MESD: variants seen among roughly 807,000 people sequenced by gnomAD.
MESD encodes the protein LRP chaperone MESD.
In MESD, 7 loss-of-function variants were observed where a neutral mutation model predicts 12.9. The observed-to-expected ratio is 0.54, with a 90% confidence interval of 0.31 to 1.02. The LOEUF (loss-of-function observed/expected upper bound fraction) is 1.02. Ranked by LOEUF, MESD falls within the 50% of genes least tolerant of loss-of-function variation. MESD has a pLI of 0.05. For missense variants in MESD, 342 were observed against 296.7 expected, an observed-to-expected ratio of 1.15 and a Z score of -1.12; for synonymous variants, 126 against 115.6, an observed-to-expected ratio of 1.09 and a Z score of -0.58.
Position 80,976,424 on chromosome 15 carries a change from C to T in MESD, c.*2795G>A, listed in dbSNP as rs2141805461. 1 of 152,662 alleles carries T rather than the reference C, an allele frequency of 6.6e-6. No individual in the cohort carries two copies. The highest frequency in any genetic ancestry group is 2.4e-5 in the African/African-American group (1 of 41,576). 9.5% of individuals were successfully genotyped at this position (152,662 alleles called of 1,614,324 possible). A position where few individuals can be genotyped will look rare whatever the true frequency, so the allele number is the denominator to read the frequency against. On this transcript the variant is annotated 3_prime_UTR_variant, in exon 3 of 3. Transcript: ENST00000261758. ...AAATGTTTAAATCTTATCCACATGT[C>T]TGTGCCTGGGCTGGGAAGACTCATG...
intron 3 of MESD, among the ~76,000 whole-genome samples, chr15:80,957,097 T>C (rs1235185351): frequency 6.6e-6 from 1 of 152,258 alleles, no homozygotes; most frequent in Admixed American, 6.5e-5. Context: ...AGTGCTGGGA[T>C]TATAGATATG....
In MESD at chr15:80,979,430, C is replaced by A; in HGVS notation, c.494G>T (p.Ser165Ile). Residue 165 changes from serine to isoleucine, a missense_variant, in exon 3 of 3, where the codon AGC (serine) becomes ATC (isoleucine). Ser to Ile is a moderately radical substitution (Grantham distance 142). Transcript: ENST00000261758. ...DRAIFMLRDG[S>I]YAWEIKDFLV... is the part of the protein sequence containing the mutation. ...AAAGTCCTTGATCTCCCAGGCGTAG[C>A]TCCCATCGCGAAGCATGAAGATAGC... 6.2e-7 allele frequency: 1 copy of A among 1,614,220 alleles called. No individual in the cohort carries two copies. Among genetic ancestry groups the A allele is most frequent in the Non-Finnish European group, 8.5e-7 (1 of 1,180,050 alleles).
chr15:80,989,302 G>C (rs947734841), intron 1 of MESD, among the ~76,000 whole-genome samples: 4 of 152,192 alleles, frequency 2.6e-5, no homozygotes, highest in Non-Finnish European at 4.4e-5. Context: ...GAGCAAAGCT[G>C]AACAGTGAGG....
At chr15:80,988,897 T>C (rs1321392754) in intron 1 of MESD, among the ~76,000 whole-genome samples, 1 of 152,108 alleles carries the variant, frequency 6.6e-6, no homozygotes, top group African/African-American at 2.4e-5. Flanking sequence ...TTAAAGCGTA[T>C]TACACACTCC....
chr15:80,953,457 T>C (rs926660177), intron 3 of MESD, among the ~76,000 whole-genome samples: 2 of 152,086 alleles, frequency 1.3e-5, no homozygotes, highest in Non-Finnish European at 2.9e-5. Flanking sequence ...CCTTCATTTG[T>C]CCCTGCAATA....
intron 3 of MESD, among the ~76,000 whole-genome samples, chr15:80,968,265 T>G (rs1026693063): frequency 3.3e-5 from 5 of 152,212 alleles, no homozygotes; most frequent in African/African-American, 1.2e-4. Context: ...TGGCATACCC[T>G]ACACTGGGCA....
chr15:80,950,616 G>A (rs994452383), intron 4 of MESD: 1 of 152,332 alleles, frequency 6.6e-6, no homozygotes, highest in Non-Finnish European at 1.5e-5. Context: ...GCCCAGCAGA[G>A]GGAGTAGGGC....
intron 3 of MESD, chr15:80,970,572 T>C (rs973124899): frequency 6.6e-6 from 1 of 152,218 alleles, no homozygotes; most frequent in African/African-American, 2.4e-5. Flanking sequence ...ATCATAATTA[T>C]CGTTGTCTTC....
intron 3 of MESD, among the ~76,000 whole-genome samples, chr15:80,967,937 T>C (rs1902206276): frequency 6.6e-6 from 1 of 152,234 alleles, no homozygotes; most frequent in Non-Finnish European, 1.5e-5. Context: ...GTTGGCCAAG[T>C]GGCCCCAACT....
exon 5 of MESD, chr15:80,947,432 A>G (rs1253034050): frequency 1.8e-5 from 5 of 272,906 alleles, no homozygotes; most frequent in African/African-American, 1.1e-4. Context: ...GGGGTCCTGC[A>G]TCTTCTTCAA....
At chr15:80,983,135 C>G (rs1902628419) in intron 1 of MESD, among the ~76,000 whole-genome samples, 1 of 151,944 alleles carries the variant, frequency 6.6e-6, no homozygotes, top group South Asian at 2.1e-4. Flanking sequence ...CCTAGCTACT[C>G]AGGAGGCTGA....
chr15:80,955,502 A>AAAAAAAAAAAAAAAAAAAG (rs1483500188), intron 3 of MESD, among the ~76,000 whole-genome samples: 13 of 143,342 alleles, frequency 9.1e-5, no homozygotes, highest in African/African-American at 3.8e-4. Flanking sequence ...AAAAAAAAAA[A>AAAAAAAAAAAAAAAAAAAG]AAAGAAATGC....
At chr15:80,965,901 A>G (rs1902167492) in intron 3 of MESD, among the ~76,000 whole-genome samples, 2 of 152,218 alleles carry the variant, frequency 1.3e-5, no homozygotes, top group Admixed American at 1.3e-4. Flanking sequence ...GTGTATACCT[A>G]TGTAACAAAC....
chr15:80,956,902 C>G (rs141780267), intron 3 of MESD, among the ~76,000 whole-genome samples: 1 of 152,070 alleles, frequency 6.6e-6, no homozygotes, highest in African/African-American at 2.4e-5. Context: ...ACTGTGGCCT[C>G]GACCTCCCAG....
rs201732970 is a variant in MESD at position 80,979,201 on chromosome 15, C to T, written c.*18G>A. On this transcript the variant is annotated 3_prime_UTR_variant, in exon 3 of 3. Coordinates refer to ENST00000261758, the MANE Select transcript of MESD (RefSeq NM_015154.3). ...TCCACGTCCACCTGTCCCCCCACAGCGCGTCACTGCTGCCCCATCACAGGT... is the reference window on the plus strand; with the variant it reads ...TCCACGTCCACCTGTCCCCCCACAGTGCGTCACTGCTGCCCCATCACAGGT... The T allele has an allele frequency of 1.6e-4, 256 of 1,606,696 alleles. No individual in the cohort carries two copies. The African/African-American group carries it at 2.2e-3, about 14-fold the overall frequency.
intron 4 of MESD, chr15:80,949,004 T>TC: frequency 6.4e-7 from 1 of 1,571,622 alleles, no homozygotes; most frequent in Non-Finnish European, 8.7e-7. Flanking sequence ...GATGGCTGGG[T>TC]CCCCCAGCCC....
At chr15:80,985,356 A>T (rs1223787738) in intron 1 of MESD, among the ~76,000 whole-genome samples, 1 of 152,166 alleles carries the variant, frequency 6.6e-6, no homozygotes, top group Non-Finnish European at 1.5e-5. Context: ...AGCAGAACTC[A>T]GTACTGTATC....
chr15:80,952,346 T>C, intron 3 of MESD: 1 of 387,092 alleles, frequency 2.6e-6, no homozygotes, highest in Non-Finnish European at 5.2e-6. Context: ...GAACTGGGAG[T>C]GGTCCAGAAC....
At chr15:80,973,021 C>CA (rs960720247), downstream of MESD, among the ~76,000 whole-genome samples, 3 of 151,272 alleles carry the variant, frequency 2.0e-5, no homozygotes, top group Non-Finnish European at 4.4e-5. Flanking sequence ...GACTCTGTCT[C>CA]AAAAAACAAA....
Sources: gnomAD v4.1 joint callset for allele counts (sites outside exome capture counted in the v4.1 genomes callset) on GRCh38, gnomAD v4.1.1 for gene constraint, MANE v1.5 for transcripts, NCBI Gene and HGNC (gene_info 2026-07-23, HGNC 2026-07-21) for gene names.